Variants in NALF1 observed in about 807,000 individuals in gnomAD.
NALF1 encodes the protein family with sequence similarity 155 member A.
NALF1 carries 3 observed loss-of-function variants against 48.4 expected under a neutral mutation model. That is an observed-to-expected ratio of 0.06 (90% CI 0.03 to 0.16). The LOEUF (loss-of-function observed/expected upper bound fraction) is 0.16. NALF1 is among the 10% of genes least tolerant of loss of function. The pLI, the probability that NALF1 is intolerant of heterozygous loss-of-function variation, is 1.00. For missense variants in NALF1, 526 were observed against 571.5 expected, an observed-to-expected ratio of 0.92 and a Z score of 0.81; for synonymous variants, 262 against 245.7, an observed-to-expected ratio of 1.07 and a Z score of -0.62.
At chr13:107,302,487 G>A (rs1435020904) in intron 1 of NALF1, among the ~76,000 whole-genome samples, 1 of 151,822 alleles carries the variant, frequency 6.6e-6, no homozygotes, top group East Asian at 1.9e-4. Context: ...TGAATTATAA[G>A]CTGTGATGCA....
intron 1 of NALF1, among the ~76,000 whole-genome samples, chr13:107,606,906 C>T (rs1224573447): frequency 6.6e-6 from 1 of 152,070 alleles, no homozygotes; most frequent in Non-Finnish European, 1.5e-5. Flanking sequence ...GTCTCTATTC[C>T]ACAGAAATTT....
chr13:107,727,396 T>C (rs917776987), intron 1 of NALF1, among the ~76,000 whole-genome samples: 1 of 152,164 alleles, frequency 6.6e-6, no homozygotes, highest in Non-Finnish European at 1.5e-5. Context: ...GAGAGTTCCA[T>C]AGGCTGAGGA....
At chr13:107,795,328 G>A (rs1031590758) in intron 1 of NALF1, among the ~76,000 whole-genome samples, 3 of 152,038 alleles carry the variant, frequency 2.0e-5, no homozygotes, top group Non-Finnish European at 4.4e-5. Flanking sequence ...ACTGATCTGG[G>A]GAAGGGAAAA....
intron 1 of NALF1, among the ~76,000 whole-genome samples, chr13:107,322,868 A>G (rs1882283769): frequency 6.6e-6 from 1 of 152,218 alleles, no homozygotes; most frequent in East Asian, 1.9e-4. Context: ...TCCAACAGTA[A>G]CATTTGCTCC....
In NALF1 at chr13:107,590,652, CCTTT is replaced by C. The variant is rs554657222; in HGVS notation, c.915+275026_915+275029del. On this transcript the variant is annotated intron_variant, in intron 1 of 2. Transcript: ENST00000375915. ...AAACAAGTCTCATCCTTTTCTAACT[CCTTT>C]CTTTGTCCATTTATACATCTATCAT... 8.0e-4 allele frequency among the ~76,000 whole-genome samples: 121 copies of C among 151,930 alleles called. 1 individual carries two copies. The highest frequency in any genetic ancestry group is 2.7e-3 in the African/African-American group (111 of 41,446).
Position 107,866,539 on chromosome 13 carries a change from C to G in NALF1, c.58G>C (p.Ala20Pro). 6.2e-7 allele frequency: 1 copy of G among 1,613,280 alleles called. No homozygotes were observed. Among genetic ancestry groups the G allele is most frequent in the South Asian group, 1.1e-5 (1 of 91,056 alleles). ...QYDDGLKIWL[A>P]APRENEKPFI... The stretch of plus-strand genomic sequence containing the variant: ...GGTTTCTCGTTCTCTCGGGGTGCTG[C>G]CAACCAGATTTTTAAGCCGTCGTCA... The change falls in exon 1 of 3, where the codon GCA (alanine) becomes CCA (proline). Residue 20 changes from alanine to proline, a missense_variant. By Grantham distance (27) the Ala-to-Pro change is conservative (BLOSUM62 -1). Around this residue, in one of 2 missense-constraint regions of NALF1, gnomAD observed 373 missense variants for 355.5 expected, o/e 1.05. Transcript: ENST00000375915. The surrounding 1 kb of genome is among the most constrained non-coding windows in gnomAD (Gnocchi z 4.4).
At chr13:107,307,445 A>G (rs777931283) in intron 1 of NALF1, among the ~76,000 whole-genome samples, 1 of 151,992 alleles carries the variant, frequency 6.6e-6, no homozygotes, top group Non-Finnish European at 1.5e-5. Flanking sequence ...GATTTATTTG[A>G]TTGATTCATT....
chr13:107,622,327 A>G (rs1296912339), intron 1 of NALF1, among the ~76,000 whole-genome samples: 1 of 151,706 alleles, frequency 6.6e-6, no homozygotes, highest in African/African-American at 2.4e-5. Context: ...AATCCCAGCT[A>G]CTCAAGAGGC....
intron 1 of NALF1, among the ~76,000 whole-genome samples, chr13:107,342,449 T>C (rs916382441): frequency 3.9e-5 from 6 of 152,090 alleles, no homozygotes; most frequent in African/African-American, 1.4e-4. Context: ...GAAAAGTAAG[T>C]CCCAGTCCTT....
chr13:107,757,415 C>CTTTTT (rs3074821), intron 1 of NALF1, among the ~76,000 whole-genome samples: 18 of 107,912 alleles, frequency 1.7e-4, no homozygotes, highest in Non-Finnish European at 2.1e-4. Flanking sequence ...GCCCTCATTT[C>CTTTTT]TTTTTTTTTT....
At chr13:107,522,390 A>G (rs1233057511) in intron 1 of NALF1, among the ~76,000 whole-genome samples, 1 of 152,042 alleles carries the variant, frequency 6.6e-6, no homozygotes, top group African/African-American at 2.4e-5. Context: ...TTAGGTGTCT[A>G]ATCTTTTTGT....
At chr13:107,173,227 C>T (rs923625647) in intron 2 of NALF1, among the ~76,000 whole-genome samples, 1 of 152,130 alleles carries the variant, frequency 6.6e-6, no homozygotes, top group Non-Finnish European at 1.5e-5. Flanking sequence ...GTAGATTCCC[C>T]TCAGGAAGTG....
Position 107,756,249 on chromosome 13 carries a change from G to A in NALF1, c.915+109433C>T, listed in dbSNP as rs147113128. 1.3e-3 allele frequency among the ~76,000 whole-genome samples: 194 copies of A among 152,134 alleles called. 3 individuals carry two copies. In the East Asian group the frequency reaches 0.025, roughly 20 times the overall value. On this transcript the variant is annotated intron_variant, in intron 1 of 2. Coordinates refer to ENST00000375915, the MANE Select transcript of NALF1 (RefSeq NM_001080396.3). ...ATGTTAATTCACATCTACAGGGGAA[G>A]GTGTCTTTTTAAAATTCAGACCTTG...
intron 1 of NALF1, among the ~76,000 whole-genome samples, chr13:107,235,015 A>G (rs1161849914): frequency 1.3e-5 from 2 of 152,102 alleles, no homozygotes; most frequent in Admixed American, 6.5e-5. Context: ...ATTCATCCCC[A>G]TTTAGCCTTC....
At position 107,477,138 on chromosome 13, in the gene NALF1, G is replaced by C. The variant is rs1885186596; in HGVS notation, c.916-266383C>G. ...AACTTTCAATAACTTACTGTGAACT[G>C]AGACCTCAAGGAGTCCCATAGTTTA... On this transcript the variant is annotated intron_variant, in intron 1 of 2. Coordinates refer to ENST00000375915, the MANE Select transcript of NALF1 (RefSeq NM_001080396.3). Among the ~76,000 whole-genome samples, 3 of 152,066 alleles carry C rather than the reference G, an allele frequency of 2.0e-5. No individual in the cohort carries two copies. In the South Asian group the frequency reaches 6.2e-4, roughly 32 times the overall value.
rs1877868240 is a variant in NALF1, at chr13:107,568,086, T to G, written c.915+297596A>C. 3.9e-5 allele frequency among the ~76,000 whole-genome samples: 6 copies of G among 152,296 alleles called. No individual in the cohort carries two copies. In the South Asian group the frequency reaches 1.2e-3, roughly 32 times the overall value. On this transcript the variant is annotated intron_variant, in intron 1 of 2. Coordinates refer to ENST00000375915, the MANE Select transcript of NALF1 (RefSeq NM_001080396.3). The stretch of plus-strand genomic sequence containing the variant: ...TTCACCTCATGGGCTCAAACAATCC[T>G]CCTGCTTCAGCCTCCGGAGTAGCTG...
chr13:107,524,172 T>C (rs549770768), intron 1 of NALF1, among the ~76,000 whole-genome samples: 11 of 152,194 alleles, frequency 7.2e-5, no homozygotes, highest in Non-Finnish European at 1.5e-4. Flanking sequence ...CAAAAATTTC[T>C]TCCAGTTTAA....
At chr13:107,795,440 C>T (rs770112229) in intron 1 of NALF1, among the ~76,000 whole-genome samples, 17 of 152,014 alleles carry the variant, frequency 1.1e-4, no homozygotes, top group Admixed American at 2.6e-4. Context: ...ACAAATCAGT[C>T]CATCCCTCTC....
At chr13:107,242,392 G>A (rs1277292903) in intron 1 of NALF1, among the ~76,000 whole-genome samples, 3 of 152,152 alleles carry the variant, frequency 2.0e-5, no homozygotes, top group African/African-American at 4.8e-5. Flanking sequence ...CCCAGCAGGC[G>A]CTGTCAGGCT....
Sources: gnomAD v4.1 joint callset for allele counts (sites outside exome capture counted in the v4.1 genomes callset) on GRCh38, gnomAD v4.1.1 for gene constraint, gnomAD v4.1.1 regional missense constraint, Gnocchi (gnomAD v3.1) non-coding constraint, MANE v1.5 for transcripts, NCBI Gene and HGNC (gene_info 2026-07-23, HGNC 2026-07-21) for gene names.